Variants in ZNF845 observed in about 807,000 individuals in gnomAD.
ZNF845 encodes zinc finger protein 845.
ZNF845 carries 59 observed loss-of-function variants against 76.1 expected under a neutral mutation model. That is an observed-to-expected ratio of 0.78 (90% CI 0.63 to 0.96). The LOEUF (loss-of-function observed/expected upper bound fraction) is 0.96, where lower values mean the gene tolerates loss of function less well. Ranked by LOEUF, ZNF845 falls within the 40% of genes least tolerant of loss-of-function variation. The pLI, the probability that ZNF845 is intolerant of heterozygous loss-of-function variation, is 0.00. For missense variants in ZNF845, 1,045 were observed against 1,172.8 expected (o/e 0.89, Z 1.59); for synonymous variants, 361 against 386.9 (o/e 0.93, Z 0.78).
chr19:53,339,160 A>G (rs10418099), intron 1 of ZNF845, among the ~76,000 whole-genome samples: 3,643 of 152,084 alleles, frequency 0.024, 147 homozygotes, highest in African/African-American at 0.083. Context: ...TTCCACAAAG[A>G]GGGGCCACTG....
At chr19:53,334,732 C>G (rs1450803883) in intron 1 of ZNF845, among the ~76,000 whole-genome samples, 1 of 131,350 alleles carries the variant, frequency 7.6e-6, no homozygotes, top group Non-Finnish European at 1.6e-5. Flanking sequence ...GAGACCCCCC[C>G]CCCCATCTCT....
chr19:53,345,610 T>C lies in ZNF845; in HGVS notation c.120T>C (p.Asn40=). 1.2e-6 allele frequency: 2 copies of C among 1,613,814 alleles called. No homozygotes were observed. Among genetic ancestry groups the C allele is most frequent in the Non-Finnish European group, 1.7e-6 (2 of 1,179,862 alleles). The change falls in exon 3 of 4, where the codon AAT becomes AAC. Residue 40 remains asparagine, a synonymous_variant. Coordinates refer to ENST00000458035, the MANE Select transcript of ZNF845 (RefSeq NM_138374.3). ...RTLYRDVMLE[N]YRNLVSLDIS... is the part of the protein sequence containing the mutation. ...TATACAGGGACGTGATGCTGGAGAA[T>C]TATAGGAACCTGGTCTCCCTGGGTG...
chr19:53,352,724 A>C lies in ZNF845; in HGVS notation c.2049A>C (p.Arg683Ser). 6.2e-7 allele frequency: 1 copy of C among 1,614,146 alleles called. No homozygotes were observed. Among genetic ancestry groups the C allele is most frequent in the Non-Finnish European group, 8.5e-7 (1 of 1,179,986 alleles). Residue 683 changes from arginine (R) to serine (S), a missense_variant, in exon 4 of 4, where the codon AGA (arginine) becomes AGC (serine). Transcript: ENST00000458035. ...SRKSYLTCHRRLHTGEKPYKC... is the reference protein window; with the variant it reads ...SRKSYLTCHRSLHTGEKPYKC... ...AGTCATACCTTACATGCCATCGTAG[A>C]CTTCATACTGGAGAGAAACCTTACA...
Position 53,355,877 on chromosome 19 carries a change from CTCTA to C in ZNF845, c.*2295_*2298del, listed in dbSNP as rs767082999. 1 of 152,114 alleles carries C rather than the reference CTCTA, an allele frequency of 6.6e-6. No homozygotes were observed. Among genetic ancestry groups the C allele is most frequent in the Non-Finnish European group, 1.5e-5 (1 of 67,998 alleles). The allele number at this position is 152,114 out of a possible 1,614,324, so 9.4% of individuals were successfully genotyped here. Reference sequence around the variant, plus strand: ...TATTGAGTTCTGTGAAATGCTTTTTCTCTATCTATTGAGATAATGTGTTTTTTAT... The same window carrying C: ...TATTGAGTTCTGTGAAATGCTTTTTCTCTATTGAGATAATGTGTTTTTTAT... On this transcript the variant is annotated 3_prime_UTR_variant, in exon 4 of 4. Transcript: ENST00000458035.
chr19:53,334,957 T>C (rs1405114151), intron 1 of ZNF845, among the ~76,000 whole-genome samples: 1 of 152,248 alleles, frequency 6.6e-6, no homozygotes, highest in African/African-American at 2.4e-5. Flanking sequence ...AGTGGGTGAG[T>C]TCATTGGATA....
chr19:53,350,447 T>C (rs2085324975), intron 3 of ZNF845, among the ~76,000 whole-genome samples: 1 of 152,252 alleles, frequency 6.6e-6, no homozygotes, highest in Non-Finnish European at 1.5e-5. Context: ...TATTTGTATA[T>C]AGTAAATATG....
chr19:53,349,716 A>G (rs1485416827), intron 3 of ZNF845, among the ~76,000 whole-genome samples: 1 of 152,200 alleles, frequency 6.6e-6, no homozygotes, highest in Non-Finnish European at 1.5e-5. Flanking sequence ...GGTATGCAAT[A>G]TAACTGACAC....
chr19:53,338,925 A>AG (rs1568733493), intron 1 of ZNF845, among the ~76,000 whole-genome samples: 2 of 151,322 alleles, frequency 1.3e-5, no homozygotes, highest in African/African-American at 4.9e-5. Flanking sequence ...CTAAAAAAAA[A>AG]AAAGAAAGAA....
At position 53,351,536 on chromosome 19, in the gene ZNF845, A is replaced by G; in HGVS notation, c.861A>G (p.Thr287=). 9 of 1,614,192 alleles carry G rather than the reference A, an allele frequency of 5.6e-6. No homozygotes were observed. The highest frequency in any genetic ancestry group is 2.2e-5 in the East Asian group (1 of 44,872). ...GKTFSQELTL[T]CHHRLHTGEK... ...CCTTCAGTCAGGAGTTAACCCTTAC[A>G]TGCCATCATAGACTTCATACTGGAG... Residue 287 remains threonine (T), a synonymous_variant, in exon 4 of 4, where the codon ACA becomes ACG. Transcript: ENST00000458035.
chr19:53,343,918 C>T (rs1253043623), intron 2 of ZNF845, among the ~76,000 whole-genome samples: 1 of 151,976 alleles, frequency 6.6e-6, no homozygotes, highest in Non-Finnish European at 1.5e-5. Context: ...CCCTCAGGCT[C>T]AAACCATCCT....
rs2085327383 is a variant in ZNF845 at position 53,350,809 on chromosome 19, A to G, written c.143-9A>G. ...TAAGTGGAAACCTATTGGTGTTTAT[A>G]TTTTCTAGATATCTCTTCCAAATGC... On this transcript the variant is annotated splice_polypyrimidine_tract_variant and intron_variant, in intron 3 of 3. Coordinates refer to ENST00000458035, the MANE Select transcript of ZNF845 (RefSeq NM_138374.3). 6.2e-7 allele frequency: 1 copy of G among 1,611,770 alleles called. No individual in the cohort carries two copies. Among genetic ancestry groups the G allele is most frequent in the Non-Finnish European group, 8.5e-7 (1 of 1,179,138 alleles).
chr19:53,352,712 A>G lies in ZNF845; in HGVS notation c.2037A>G (p.Thr679=), dbSNP rs999801827. The G allele has an allele frequency of 1.2e-6, 2 of 1,614,098 alleles. No individual in the cohort carries two copies. Among genetic ancestry groups the G allele is most frequent in the Admixed American group, 1.7e-5 (1 of 60,024 alleles). Residue 679 remains threonine, a synonymous_variant, in exon 4 of 4, where the codon ACA becomes ACG. Coordinates refer to ENST00000458035, the MANE Select transcript of ZNF845 (RefSeq NM_138374.3). ...CCTTTAGTCGGAAGTCATACCTTAC[A>G]TGCCATCGTAGACTTCATACTGGAG... ...GKTFSRKSYL[T]CHRRLHTGEK... is the part of the protein sequence containing the mutation.
chr19:53,351,149 G>A lies in ZNF845; in HGVS notation c.474G>A (p.Gly158=). ...AACTCCACATGTTTCAGACCGAAGG[G>A]AAAATTGGTAATCAAGTTGAGAAGT... ...LPELHMFQTE[G]KIGNQVEKSI... Residue 158 remains glycine, a synonymous_variant, in exon 4 of 4, where the codon GGG becomes GGA. Coordinates refer to ENST00000458035, the MANE Select transcript of ZNF845 (RefSeq NM_138374.3). The A allele has an allele frequency of 6.2e-7, 1 of 1,614,194 alleles. No individual in the cohort carries two copies. The highest frequency in any genetic ancestry group is 8.5e-7 in the Non-Finnish European group (1 of 1,180,040).
chr19:53,351,644 A>G lies in ZNF845; in HGVS notation c.969A>G (p.Gly323=), dbSNP rs756828355. 1.9e-6 allele frequency: 3 copies of G among 1,614,062 alleles called. No individual in the cohort carries two copies. The highest frequency in any genetic ancestry group is 4.5e-5 in the East Asian group (2 of 44,880). The part of the protein sequence containing the change: ...ALVIHKAIHT[G]EKSYKCNECG... ...TAATTCATAAGGCAATTCATACTGG[A>G]GAGAAATCTTACAAGTGTAATGAAT... The change falls in exon 4 of 4, where the codon GGA becomes GGG. Residue 323 remains glycine, a synonymous_variant. Transcript: ENST00000458035.
intron 2 of ZNF845, among the ~76,000 whole-genome samples, chr19:53,342,859 C>T (rs1279263708): frequency 2.6e-5 from 4 of 152,016 alleles, no homozygotes; most frequent in East Asian, 1.9e-4. Context: ...GCTCTTGTTG[C>T]CCACGCTGGA....
rs2085330256 is a variant in ZNF845, at chr19:53,351,041, T to C, written c.366T>C (p.Ser122=). The change falls in exon 4 of 4, where the codon AGT becomes AGC. Residue 122 remains serine (S), a synonymous_variant. Transcript: ENST00000458035. Reference sequence around the variant, plus strand: ...CAGAAATCAAACAGTTGACGGGTAGTACAAACCGACATGATCAAAGGCATG... The same window carrying C: ...CAGAAATCAAACAGTTGACGGGTAGCACAAACCGACATGATCAAAGGCATG... ...PMTEIKQLTG[S]TNRHDQRHAG... 4 of 1,614,076 alleles carry C rather than the reference T, an allele frequency of 2.5e-6. No individual in the cohort carries two copies. The highest frequency in any genetic ancestry group is 1.1e-5 in the South Asian group (1 of 91,094).
chr19:53,335,435 AT>A (rs954282006), intron 1 of ZNF845, among the ~76,000 whole-genome samples: 11 of 146,152 alleles, frequency 7.5e-5, no homozygotes, highest in Non-Finnish European at 1.1e-4. Context: ...TAGGTTTTGT[AT>A]TTTTTTTTTG....
intron 3 of ZNF845, chr19:53,346,463 C>T (rs1236927957): frequency 9.1e-6 from 3 of 329,084 alleles, no homozygotes; most frequent in Non-Finnish European, 1.8e-5. Context: ...GGCAAATCAC[C>T]TGAGGTCAGG....
At chr19:53,342,013 A>G (rs903094494) in intron 2 of ZNF845, among the ~76,000 whole-genome samples, 1 of 152,052 alleles carries the variant, frequency 6.6e-6, no homozygotes, top group African/African-American at 2.4e-5. Context: ...TTCAGGAAAA[A>G]TGGTTATAAT....
Sources: gnomAD v4.1 joint callset for allele counts (sites outside exome capture counted in the v4.1 genomes callset) on GRCh38, gnomAD v4.1.1 for gene constraint, MANE v1.5 for transcripts, NCBI Gene and HGNC (gene_info 2026-07-23, HGNC 2026-07-21) for gene names.